PRKCQ: variants seen among roughly 807,000 people sequenced by gnomAD.
The protein encoded by PRKCQ is protein kinase C theta type.
A neutral mutation model predicts 91.2 loss-of-function variants in PRKCQ; 41 were observed. That is an observed-to-expected ratio of 0.45 (90% CI 0.35 to 0.58). The LOEUF (loss-of-function observed/expected upper bound fraction) is 0.58, where lower values mean the gene tolerates loss of function less well. PRKCQ is among the 20% of genes least tolerant of loss of function. The pLI, the probability that PRKCQ is intolerant of heterozygous loss-of-function variation, is 0.00. For synonymous variants in PRKCQ, 307 were observed against 316.9 expected, an observed-to-expected ratio of 0.97 and a Z score of 0.33; for missense variants, 673 against 896.5, an observed-to-expected ratio of 0.75 and a Z score of 3.18.
Position 6,431,736 on chromosome 10 carries a change from CCAGA to C in PRKCQ, c.1837-802_1837-799del, listed in dbSNP as rs369536300. Among the ~76,000 whole-genome samples, 626 of 152,222 alleles carry C rather than the reference CCAGA, an allele frequency of 4.1e-3. 1 individual carries two copies. The highest frequency in any genetic ancestry group is 0.014 in the African/African-American group (599 of 41,524). Reference sequence around the variant, plus strand: ...GACTCAGGTATAATAGAAACTAGTCCCAGACAGTCAGCTTTGGACTCTACAAGGC... The same window carrying C: ...GACTCAGGTATAATAGAAACTAGTCCCAGTCAGCTTTGGACTCTACAAGGC... On this transcript the variant is annotated intron_variant, in intron 16 of 17. Coordinates refer to ENST00000263125, the MANE Select transcript of PRKCQ (RefSeq NM_006257.5).
the PRKCQ span, among the ~76,000 whole-genome samples, chr10:6,404,255 GGAGAGA>G: frequency 1.2e-4 from 4 of 34,360 alleles, no homozygotes; most frequent in African/African-American, 2.5e-4. Context: ...GAAGGGGGGG[GGAGAGA>G]GAGAGAGAGA....
the PRKCQ span, among the ~76,000 whole-genome samples, chr10:6,395,022 T>G: frequency 6.6e-6 from 1 of 150,852 alleles, no homozygotes; most frequent in African/African-American, 2.4e-5. Context: ...GAACAAATAA[T>G]TTACACAGAG....
At chr10:6,422,192 G>A (rs12775953), downstream of PRKCQ, among the ~76,000 whole-genome samples, 1 of 152,092 alleles carries the variant, frequency 6.6e-6, no homozygotes, top group African/African-American at 2.4e-5. Context: ...ATGTTAGTGG[G>A]TACCTATTCC....
chr10:6,515,424 G>A, intron 1 of PRKCQ: 1 of 985,364 alleles, frequency 1.0e-6, no homozygotes, highest in Non-Finnish European at 1.2e-6. Flanking sequence ...TCAACCTAAT[G>A]GAGTTAGGCC....
chr10:6,415,280 C>G, the PRKCQ span, among the ~76,000 whole-genome samples: 1 of 151,350 alleles, frequency 6.6e-6, no homozygotes, highest in Non-Finnish European at 1.5e-5. Flanking sequence ...GACTTTAAAT[C>G]CACACCACCC....
At chr10:6,479,810 G>C (rs576699541) in intron 11 of PRKCQ, among the ~76,000 whole-genome samples, 1 of 148,774 alleles carries the variant, frequency 6.7e-6, no homozygotes. Context: ...AAAATTAGCC[G>C]GGCATGGTGG....
chr10:6,558,671 AT>A (rs1331971662), intron 1 of PRKCQ, among the ~76,000 whole-genome samples: 1 of 152,358 alleles, frequency 6.6e-6, no homozygotes, highest in African/African-American at 2.4e-5. Context: ...GCATGCTGGA[AT>A]ATCGTCATCT....
chr10:6,461,126 TCCAC>T (rs1330529543), intron 14 of PRKCQ, among the ~76,000 whole-genome samples: 2 of 146,986 alleles, frequency 1.4e-5, no homozygotes, highest in Non-Finnish European at 3.0e-5. Flanking sequence ...CATCCATCCA[TCCAC>T]ATCCATCCAT....
chr10:6,466,008 C>T (rs369747265), intron 12 of PRKCQ, among the ~76,000 whole-genome samples: 68 of 152,364 alleles, frequency 4.5e-4, no homozygotes, highest in African/African-American at 1.6e-3. Flanking sequence ...ATCAGCACCA[C>T]AGAAAGAGCT....
chr10:6,430,923 G>C lies in PRKCQ; in HGVS notation c.1852C>G (p.Pro618Ala), dbSNP rs375864699. The change falls in exon 17 of 18, where the codon CCT becomes GCT. Residue 618 changes from proline (P) to alanine (A), a missense_variant. By Grantham distance (27) the Pro-to-Ala change is conservative (BLOSUM62 -1). Coordinates refer to ENST00000263125, the MANE Select transcript of PRKCQ (RefSeq NM_006257.5). This position sits in a 1 kb window ranked among gnomAD's most constrained non-coding sequence, Gnocchi z 4.7. The part of the protein sequence containing the change: ...DLLVKLFVRE[P>A]EKRLGVRGDI... ...CCCCTCACGCCCAGCCTCTTCTCAG[G>C]TTCTCGCACGAAGAGCTGAAAGGGA... 5 of 1,613,954 alleles carry C rather than the reference G, an allele frequency of 3.1e-6. No homozygotes were observed. The highest frequency in any genetic ancestry group is 4.2e-6 in the Non-Finnish European group (5 of 1,179,974).
At chr10:6,567,871 C>A (rs576354978) in intron 1 of PRKCQ, among the ~76,000 whole-genome samples, 1 of 152,142 alleles carries the variant, frequency 6.6e-6, no homozygotes, top group Admixed American at 6.6e-5. Context: ...TTTGGGCATA[C>A]CTCTATCATC....
intron 11 of PRKCQ, among the ~76,000 whole-genome samples, chr10:6,482,372 G>C (rs184710990): frequency 5.2e-4 from 79 of 152,328 alleles, no homozygotes; most frequent in African/African-American, 1.8e-3. Context: ...GAGACAGGAG[G>C]ATCACTTGGG....
chr10:6,512,588 C>T (rs1035392945), intron 2 of PRKCQ, among the ~76,000 whole-genome samples: 1 of 152,148 alleles, frequency 6.6e-6, no homozygotes, highest in African/African-American at 2.4e-5. Flanking sequence ...GACATAAGCA[C>T]ATTAAGTGGC....
At chr10:6,401,524 A>T in the PRKCQ span, among the ~76,000 whole-genome samples, 65 of 150,476 alleles carry the variant, frequency 4.3e-4, no homozygotes, top group African/African-American at 1.3e-3. Context: ...TTTTTTTTTT[A>T]AATATTGATC....
chr10:6,503,940 G>C (rs1838052158), intron 4 of PRKCQ, among the ~76,000 whole-genome samples: 1 of 151,900 alleles, frequency 6.6e-6, no homozygotes, highest in Non-Finnish European at 1.5e-5. Context: ...CCATACCCAG[G>C]TAATTTTTAA....
intron 3 of PRKCQ, among the ~76,000 whole-genome samples, chr10:6,510,249 G>C (rs998465127): frequency 6.6e-6 from 1 of 152,004 alleles, no homozygotes; most frequent in African/African-American, 2.4e-5. Context: ...TTAACGCTTT[G>C]ATTATTTTAC....
intron 15 of PRKCQ, among the ~76,000 whole-genome samples, chr10:6,445,495 C>A (rs1834232738): frequency 6.6e-6 from 1 of 152,190 alleles, no homozygotes; most frequent in Non-Finnish European, 1.5e-5. Context: ...TCATATCTGG[C>A]CCGCTTCTTA....
the PRKCQ span, among the ~76,000 whole-genome samples, chr10:6,417,789 C>T: frequency 6.6e-6 from 1 of 152,226 alleles, no homozygotes; most frequent in Admixed American, 6.5e-5. Flanking sequence ...TGGAGTCCTT[C>T]CTGTCACTCC....
At chr10:6,460,029 C>A (rs1467960457) in intron 14 of PRKCQ, among the ~76,000 whole-genome samples, 1 of 152,206 alleles carries the variant, frequency 6.6e-6, no homozygotes, top group Non-Finnish European at 1.5e-5. Context: ...TACTATTCAA[C>A]TTATTATAAG....
Sources: gnomAD v4.1 joint callset for allele counts (sites outside exome capture counted in the v4.1 genomes callset) on GRCh38, gnomAD v4.1.1 for gene constraint, Gnocchi (gnomAD v3.1) non-coding constraint, MANE v1.5 for transcripts, NCBI Gene and HGNC (gene_info 2026-07-23, HGNC 2026-07-21) for gene names.